Variants in ANGPT4 observed in about 807,000 individuals in gnomAD.
The protein encoded by ANGPT4 is angiopoietin-4.
In ANGPT4, 50 loss-of-function variants were observed where a neutral mutation model predicts 53.0. The observed-to-expected ratio is 0.94, with a 90% CI of 0.75 to 1.20. The LOEUF is 1.20. ANGPT4 is among the 50% of genes most tolerant of loss of function. The pLI, the probability that ANGPT4 is intolerant of heterozygous loss-of-function variation, is 0.00. For missense variants in ANGPT4, 648 were observed against 637.1 expected, an observed-to-expected ratio of 1.02 and a Z score of -0.18; for synonymous variants, 251 against 259.7, an observed-to-expected ratio of 0.97 and a Z score of 0.32.
chr20:878,055 A>G, intron 7 of ANGPT4, 106 bp downstream of exon 7: 2 of 1,311,130 alleles, frequency 1.5e-6, no homozygotes, highest in Non-Finnish European at 2.1e-6. Context: ...GGAGACACCC[A>G]GAGACTGACC....
Position 881,207 on chromosome 20 carries a change from G to T in ANGPT4, c.915C>A (p.Tyr305Ter), listed in dbSNP as rs897566721. The T allele has an allele frequency of 6.2e-7, 1 of 1,611,014 alleles. No homozygotes were observed. The change falls in exon 5 of 9, where the codon TAC (tyrosine) becomes TAA (stop). Residue 305 changes from tyrosine to a stop codon, truncating the protein, a stop_gained. Transcript: ENST00000381922. LOFTEE classifies it high-confidence loss of function. ...TCGTTGCATTGGACACCTGGATGGTGTAGACACCACTGGCACTGGCCCCAG... is the reference window on the plus strand; with the variant it reads ...TCGTTGCATTGGACACCTGGATGGTTTAGACACCACTGGCACTGGCCCCAG... ...QRSGASASGV[Y>*]TIQVSNATKP...
chr20:905,045 C>T (rs546739846), intron 1 of ANGPT4, among the ~76,000 whole-genome samples: 1 of 152,118 alleles, frequency 6.6e-6, no homozygotes. Context: ...CCTCCCAATA[C>T]GCATCCACAC....
chr20:896,554 G>A (rs1217432394), intron 1 of ANGPT4, among the ~76,000 whole-genome samples: 3 of 152,210 alleles, frequency 2.0e-5, no homozygotes, highest in African/African-American at 7.2e-5. Context: ...ACAATGATAT[G>A]CCCTGCAGCT....
intron 4 of ANGPT4, among the ~76,000 whole-genome samples, chr20:883,202 C>A (rs550679413): frequency 7.9e-5 from 12 of 152,232 alleles, no homozygotes; most frequent in Non-Finnish European, 1.6e-4. Context: ...GGCTTGAACT[C>A]CGGCCCATCT....
At chr20:892,594 CAA>C (rs59076723) in intron 1 of ANGPT4, among the ~76,000 whole-genome samples, 18 of 131,702 alleles carry the variant, frequency 1.4e-4, no homozygotes, top group Non-Finnish European at 1.1e-4. Context: ...GACCGTGTCT[CAA>C]AAAAAAAAAA....
intron 4 of ANGPT4, among the ~76,000 whole-genome samples, chr20:882,426 G>A (rs909297041): frequency 1.3e-5 from 2 of 152,170 alleles, no homozygotes; most frequent in African/African-American, 4.8e-5. Flanking sequence ...CTACCACAGG[G>A]TGGGACTTCC....
chr20:874,443 A>T (rs1357641821), intron 7 of ANGPT4, 29 bp from the exon 8 acceptor site: 1 of 1,611,934 alleles, frequency 6.2e-7, no homozygotes, highest in African/African-American at 1.3e-5. Flanking sequence ...TGGTGGTGGC[A>T]GAAGGGCCCA....
intron 1 of ANGPT4, among the ~76,000 whole-genome samples, chr20:909,895 G>A (rs1270945041): frequency 1.3e-5 from 2 of 152,218 alleles, no homozygotes; most frequent in Non-Finnish European, 2.9e-5. Flanking sequence ...AACGGCCACA[G>A]CTGCCTGAGG....
At chr20:897,323 C>T (rs74556695) in intron 1 of ANGPT4, among the ~76,000 whole-genome samples, 1,711 of 152,282 alleles carry the variant, frequency 0.011, 18 homozygotes, top group Non-Finnish European at 0.015. Flanking sequence ...CTATGACCTC[C>T]GATCCTCAGA....
Position 903,333 on chromosome 20 carries a change from T to C in ANGPT4, c.309+12573A>G, listed in dbSNP as rs561859049. 5.9e-5 allele frequency among the ~76,000 whole-genome samples: 9 copies of C among 152,342 alleles called. No homozygotes were observed. The East Asian group carries it at 9.6e-4, about 16-fold the overall frequency. ...GCTTTCCTTTGTCTCTCTCACATCC[T>C]GCATCCAATCTGTTGTCTCTACCCT... is the stretch of plus-strand genomic sequence containing the variant. On this transcript the variant is annotated intron_variant, in intron 1 of 8. Transcript: ENST00000381922.
intron 7 of ANGPT4, among the ~76,000 whole-genome samples, chr20:875,037 T>C (rs1217065078): frequency 2.3e-5 from 2 of 86,532 alleles, no homozygotes; most frequent in African/African-American, 3.8e-5. Flanking sequence ...TTTTTCTTTC[T>C]TTTTTTTCTA....
chr20:910,826 C>T (rs1274177159), intron 1 of ANGPT4, among the ~76,000 whole-genome samples: 1 of 152,072 alleles, frequency 6.6e-6, no homozygotes, highest in African/African-American at 2.4e-5. Context: ...CCCTGCACCC[C>T]CACCTCATCC....
At chr20:887,635 G>A (rs1024000291) in intron 3 of ANGPT4, among the ~76,000 whole-genome samples, 5 of 60,010 alleles carry the variant, frequency 8.3e-5, no homozygotes, top group Admixed American at 2.7e-4. Context: ...CCTCATGACC[G>A]CTTTTTTTTT....
intron 1 of ANGPT4, among the ~76,000 whole-genome samples, chr20:913,651 A>G (rs1276499818): frequency 6.6e-6 from 1 of 152,218 alleles, no homozygotes; most frequent in Non-Finnish European, 1.5e-5. Flanking sequence ...TCCGACACCC[A>G]GGGGATTCAA....
intron 1 of ANGPT4, among the ~76,000 whole-genome samples, chr20:890,697 A>G (rs974141867): frequency 2.0e-5 from 3 of 152,140 alleles, no homozygotes. Flanking sequence ...CAGGGTTCCT[A>G]TCTCACGCAG....
At position 898,543 on chromosome 20, in the gene ANGPT4, T is replaced by C. The variant is rs141997258; in HGVS notation, c.310-8175A>G. ...GGCCAGAAGGCCACCTTATCCTTAA[T>C]ATGTATTTTATTACCCAATCTGCTC... On this transcript the variant is annotated intron_variant, in intron 1 of 8. Transcript: ENST00000381922. Among the ~76,000 whole-genome samples the C allele has an allele frequency of 3.8e-3, 585 of 152,276 alleles. 5 individuals carry two copies. Among genetic ancestry groups the C allele is most frequent in the African/African-American group, 0.012 (519 of 41,542 alleles).
At chr20:904,036 G>A (rs928368934) in intron 1 of ANGPT4, among the ~76,000 whole-genome samples, 1 of 152,212 alleles carries the variant, frequency 6.6e-6, no homozygotes, top group Non-Finnish European at 1.5e-5. Flanking sequence ...TGAAAATCTG[G>A]AGGGTCAGAT....
chr20:910,656 G>A (rs1342009240), intron 1 of ANGPT4, among the ~76,000 whole-genome samples: 2 of 152,214 alleles, frequency 1.3e-5, no homozygotes, highest in Non-Finnish European at 2.9e-5. Context: ...GGAGAAGAAG[G>A]TCTGTGTACA....
At chr20:890,624 G>A (rs1404342930) in intron 1 of ANGPT4, among the ~76,000 whole-genome samples, 1 of 152,108 alleles carries the variant, frequency 6.6e-6, no homozygotes, top group African/African-American at 2.4e-5. Context: ...CCCCCACTAG[G>A]CAGCCAGAGG....
Sources: allele counts gnomAD v4.1 joint callset (sites outside exome capture counted in the v4.1 genomes callset), GRCh38; gene constraint gnomAD v4.1.1; transcripts MANE v1.5; gene names NCBI Gene and HGNC (gene_info 2026-07-23, HGNC 2026-07-21).